The following COL11A1 variants were observed in gnomAD, a reference collection of about 807,000 sequenced individuals.
The protein encoded by COL11A1 is collagen alpha-1(XI) chain.
COL11A1 carries 74 observed loss-of-function variants against 265.2 expected under a neutral mutation model. The ratio of observed to expected loss-of-function variants is 0.28; its 90% CI spans 0.23 to 0.34. The LOEUF is 0.34. COL11A1 is among the 10% of genes least tolerant of loss of function. The pLI is 1.00. For missense variants in COL11A1, 2,165 were observed against 2,263.6 expected, an observed-to-expected ratio of 0.96 and a Z score of 0.88; for synonymous variants, 816 against 727.6, an observed-to-expected ratio of 1.12 and a Z score of -1.96.
chr1:103,010,741 C>T (rs558733449), intron 14 of COL11A1, among the ~76,000 whole-genome samples: 55 of 151,180 alleles, frequency 3.6e-4, no homozygotes, highest in Non-Finnish European at 5.7e-4. Context: ...AGCTCTGTCG[C>T]CAAGGCTGGA....
At chr1:103,099,890 C>A (rs1201923034) in intron 1 of COL11A1, among the ~76,000 whole-genome samples, 1 of 151,824 alleles carries the variant, frequency 6.6e-6, no homozygotes, top group Non-Finnish European at 1.5e-5. Context: ...ATGTCACTAC[C>A]AACAGCATAA....
chr1:102,931,467 A>G (rs1297983865), intron 46 of COL11A1, among the ~76,000 whole-genome samples: 4 of 152,070 alleles, frequency 2.6e-5, no homozygotes, highest in East Asian at 3.9e-4. Flanking sequence ...ATAGTTTGTT[A>G]TAATCTCTCT....
intron 36 of COL11A1, 53 bp downstream of exon 36, chr1:102,974,776 CA>C: frequency 7.1e-7 from 1 of 1,407,672 alleles, no homozygotes; most frequent in East Asian, 2.3e-5. Flanking sequence ...CTGTGACTCT[CA>C]AAAATGTAAA....
In COL11A1 at chr1:103,003,311, AT is replaced by A. The variant is rs763072680; in HGVS notation, c.1945-44del. 57 of 1,458,624 alleles carry A rather than the reference AT, an allele frequency of 3.9e-5. No individual in the cohort carries two copies. In the Middle Eastern group the frequency reaches 5.2e-4, roughly 13 times the overall value. 90.4% of individuals were successfully genotyped at this position (1,458,624 alleles called of 1,614,324 possible). A position where few individuals can be genotyped will look rare whatever the true frequency, so the allele number is the denominator to read the frequency against. Reference sequence around the variant, plus strand: ...AGCACGCCTTTATTAAAAAAAAAAAATGTCCTAATAACATGCCTCTTTCAAT... The same window carrying A: ...AGCACGCCTTTATTAAAAAAAAAAAAGTCCTAATAACATGCCTCTTTCAAT... On this transcript the variant is annotated intron_variant, in intron 20 of 66. Coordinates refer to ENST00000370096, the MANE Select transcript of COL11A1 (RefSeq NM_001854.4).
At chr1:102,879,199 A>G (rs1649923712) in intron 66 of COL11A1, among the ~76,000 whole-genome samples, 2 of 152,122 alleles carry the variant, frequency 1.3e-5, no homozygotes, top group African/African-American at 4.8e-5. Flanking sequence ...GTAGTTCTAT[A>G]AGATAGAGAT....
At chr1:103,006,234 CAA>C in intron 16 of COL11A1, 26 bp downstream of exon 16, 1 of 1,562,144 alleles carries the variant, frequency 6.4e-7, no homozygotes, top group South Asian at 1.1e-5. Flanking sequence ...CAGATGCCTT[CAA>C]AATGCACAAT....
At chr1:103,102,693 T>C (rs547308890) in intron 1 of COL11A1, among the ~76,000 whole-genome samples, 3 of 152,000 alleles carry the variant, frequency 2.0e-5, no homozygotes, top group Non-Finnish European at 4.4e-5. Flanking sequence ...TCATTAAAAA[T>C]TGTATACAAT....
intron 1 of COL11A1, among the ~76,000 whole-genome samples, chr1:103,101,006 G>A (rs1674220541): frequency 6.6e-6 from 1 of 151,950 alleles, no homozygotes; most frequent in Admixed American, 6.6e-5. Flanking sequence ...GGAGATATAA[G>A]GAAAAGTTTT....
chr1:103,026,480 A>C, intron 5 of COL11A1, 148 bp from the exon 6 acceptor site: 1 of 672,786 alleles, frequency 1.5e-6, no homozygotes, highest in Non-Finnish European at 2.7e-6. Context: ...ATTACATAGA[A>C]GTATTATACT....
At chr1:102,958,510 T>C (rs925979451) in intron 41 of COL11A1, among the ~76,000 whole-genome samples, 1 of 152,162 alleles carries the variant, frequency 6.6e-6, no homozygotes, top group East Asian at 1.9e-4. Context: ...TCACTTTAAA[T>C]GGAGTAAACT....
intron 4 of COL11A1, among the ~76,000 whole-genome samples, chr1:103,047,935 G>A (rs1405389493): frequency 1.3e-5 from 2 of 152,170 alleles, no homozygotes; most frequent in Non-Finnish European, 2.9e-5. Flanking sequence ...AACAAGCCTT[G>A]CATCCCAGGG....
chr1:102,989,856 T>C (rs916558230), intron 28 of COL11A1, among the ~76,000 whole-genome samples: 2 of 152,088 alleles, frequency 1.3e-5, no homozygotes, highest in Admixed American at 6.6e-5. Context: ...CATTCTCCCA[T>C]AACAACATGT....
At chr1:102,987,506 G>T in intron 30 of COL11A1, 127 bp downstream of exon 30, 1 of 778,090 alleles carries the variant, frequency 1.3e-6, no homozygotes, top group Non-Finnish European at 2.2e-6. Context: ...AATTTAAAAT[G>T]ATAATGAAAC....
At chr1:102,904,288 C>T (rs1653611238) in intron 54 of COL11A1, among the ~76,000 whole-genome samples, 1 of 152,142 alleles carries the variant, frequency 6.6e-6, no homozygotes, top group Admixed American at 6.6e-5. Context: ...AAAACCTAGG[C>T]AATACTATTC....
chr1:102,958,440 T>G (rs560667671), intron 41 of COL11A1, among the ~76,000 whole-genome samples: 8 of 152,252 alleles, frequency 5.3e-5, no homozygotes, highest in Admixed American at 1.3e-4. Flanking sequence ...AACCATCCAG[T>G]TTTTGTTTTA....
At chr1:102,964,747 T>G (rs528321201) in intron 38 of COL11A1, among the ~76,000 whole-genome samples, 2 of 152,258 alleles carry the variant, frequency 1.3e-5, no homozygotes, top group Non-Finnish European at 2.9e-5. Flanking sequence ...TTCACCTGCT[T>G]TTGCTCCTTT....
chr1:103,059,181 T>C (rs1292354983), intron 4 of COL11A1, among the ~76,000 whole-genome samples: 2 of 152,120 alleles, frequency 1.3e-5, no homozygotes, highest in African/African-American at 2.4e-5. Context: ...TATCCTTCAG[T>C]GTGAAAGAAA....
chr1:102,981,697 A>G (rs1215071571), intron 31 of COL11A1, among the ~76,000 whole-genome samples: 1 of 152,034 alleles, frequency 6.6e-6, no homozygotes, highest in African/African-American at 2.4e-5. Context: ...CACAAAGGCC[A>G]TAAAGTCAAA....
At chr1:102,904,537 A>T (rs920678154) in intron 54 of COL11A1, among the ~76,000 whole-genome samples, 3 of 150,912 alleles carry the variant, frequency 2.0e-5, no homozygotes, top group African/African-American at 5.0e-5. Flanking sequence ...AGAAAAAAAC[A>T]AACAACCCCA....
Sources: allele counts gnomAD v4.1 joint callset (sites outside exome capture counted in the v4.1 genomes callset), GRCh38; gene constraint gnomAD v4.1.1; transcripts MANE v1.5; gene names NCBI Gene and HGNC (gene_info 2026-07-23, HGNC 2026-07-21).